SLC2A13: variants seen among roughly 807,000 people sequenced by gnomAD.
The protein encoded by SLC2A13 is solute carrier family 2 member 13.
Under a neutral mutation model 64.4 loss-of-function variants are expected in SLC2A13, and 32 were observed. The ratio of observed to expected loss-of-function variants is 0.50; its 90% confidence interval spans 0.37 to 0.67. The LOEUF is 0.67. SLC2A13 is among the 30% of genes least tolerant of loss of function. SLC2A13 has a pLI of 0.00. For missense variants in SLC2A13, 743 were observed against 829.2 expected, an observed-to-expected ratio of 0.90 and a Z score of 1.28; for synonymous variants, 338 against 327.1, an observed-to-expected ratio of 1.03 and a Z score of -0.36.
intron 3 of SLC2A13, among the ~76,000 whole-genome samples, chr12:40,020,957 C>T (rs558322071): frequency 2.0e-5 from 3 of 149,494 alleles, no homozygotes; most frequent in Non-Finnish European, 3.0e-5. Context: ...GTATTAAATA[C>T]AGAGCAGTAA....
intron 3 of SLC2A13, among the ~76,000 whole-genome samples, chr12:39,992,564 C>T (rs2136168825): frequency 6.6e-6 from 1 of 152,144 alleles, no homozygotes; most frequent in Non-Finnish European, 1.5e-5. Flanking sequence ...CCTTCCTTTT[C>T]ATCCCCTTCC....
chr12:39,869,270 T>C (rs1413018611), intron 5 of SLC2A13, among the ~76,000 whole-genome samples: 1 of 152,176 alleles, frequency 6.6e-6, no homozygotes, highest in East Asian at 1.9e-4. Context: ...GAATGGTACT[T>C]CTTATTCTGA....
chr12:40,086,946 T>C (rs925788107), intron 1 of SLC2A13, among the ~76,000 whole-genome samples: 10 of 152,232 alleles, frequency 6.6e-5, no homozygotes, highest in African/African-American at 2.4e-4. Context: ...TAATTAGGTC[T>C]TGAGACAGGA....
At chr12:39,840,867 TTGAG>T (rs1002556981) in intron 6 of SLC2A13, among the ~76,000 whole-genome samples, 8 of 152,124 alleles carry the variant, frequency 5.3e-5, no homozygotes, top group African/African-American at 1.7e-4. Context: ...TAAATACCTG[TTGAG>T]TAAGTAATGA....
chr12:40,068,782 G>C (rs142377700), intron 1 of SLC2A13, among the ~76,000 whole-genome samples: 1 of 148,698 alleles, frequency 6.7e-6, no homozygotes, highest in Non-Finnish European at 1.5e-5. Context: ...AAAAATCATA[G>C]ACACAGCTGA....
At chr12:40,021,536 TC>T in intron 3 of SLC2A13, among the ~76,000 whole-genome samples, 1 of 152,372 alleles carries the variant, frequency 6.6e-6, no homozygotes, top group Admixed American at 6.5e-5. Flanking sequence ...TTTGTTTTAA[TC>T]TACTGTTTAC....
At chr12:40,023,151 C>G (rs1232040816) in intron 3 of SLC2A13, among the ~76,000 whole-genome samples, 1 of 152,224 alleles carries the variant, frequency 6.6e-6, no homozygotes, top group South Asian at 2.1e-4. Context: ...GGTTCTAACA[C>G]CACCATCTGT....
At chr12:39,809,688 G>A (rs1008391406) in intron 7 of SLC2A13, among the ~76,000 whole-genome samples, 2 of 152,060 alleles carry the variant, frequency 1.3e-5, no homozygotes, top group African/African-American at 4.8e-5. Flanking sequence ...TCTGGTGTGT[G>A]ATGTTCCCCT....
intron 7 of SLC2A13, among the ~76,000 whole-genome samples, chr12:39,797,768 A>G (rs1941631307): frequency 6.6e-6 from 1 of 152,094 alleles, no homozygotes; most frequent in South Asian, 2.1e-4. Context: ...ACACACACAC[A>G]CACACACATA....
At chr12:40,006,579 A>G (rs545786128) in intron 3 of SLC2A13, among the ~76,000 whole-genome samples, 16 of 152,226 alleles carry the variant, frequency 1.1e-4, no homozygotes, top group African/African-American at 3.6e-4. Flanking sequence ...TCTAAGAGTC[A>G]GGTAAAATTT....
At chr12:39,941,624 T>C (rs998619032) in intron 4 of SLC2A13, among the ~76,000 whole-genome samples, 2 of 152,236 alleles carry the variant, frequency 1.3e-5, no homozygotes, top group Non-Finnish European at 2.9e-5. Context: ...GATTGTTTTT[T>C]TCTTACTGAT....
intron 7 of SLC2A13, among the ~76,000 whole-genome samples, chr12:39,817,861 A>G (rs1942382298): frequency 6.6e-6 from 1 of 152,036 alleles, no homozygotes; most frequent in Non-Finnish European, 1.5e-5. Context: ...GAGATCCACA[A>G]ATGAGAATAC....
chr12:39,792,752 TTTGG>T (rs1213409142), intron 7 of SLC2A13, among the ~76,000 whole-genome samples: 1 of 152,030 alleles, frequency 6.6e-6, no homozygotes, highest in Non-Finnish European at 1.5e-5. Flanking sequence ...TTTATTCCTG[TTTGG>T]TTGTAGATTT....
intron 7 of SLC2A13, chr12:39,802,230 AGGG>A (rs1941817509): frequency 6.6e-6 from 1 of 152,108 alleles, no homozygotes; most frequent in Non-Finnish European, 1.5e-5. Context: ...ATTTTTAACA[AGGG>A]GCCCTGTATT....
intron 6 of SLC2A13, among the ~76,000 whole-genome samples, chr12:39,835,203 A>C (rs1441240365): frequency 6.6e-6 from 1 of 152,068 alleles, no homozygotes; most frequent in Non-Finnish European, 1.5e-5. Flanking sequence ...ACCTGGACTA[A>C]GGTCTAAATT....
At chr12:39,932,794 G>A (rs1945850910) in intron 4 of SLC2A13, among the ~76,000 whole-genome samples, 1 of 149,750 alleles carries the variant, frequency 6.7e-6, no homozygotes, top group Non-Finnish European at 1.5e-5. Flanking sequence ...AAGCCTCTAA[G>A]TTGAGAACAA....
At chr12:40,055,833 T>G (rs985169844) in intron 1 of SLC2A13, among the ~76,000 whole-genome samples, 14 of 152,184 alleles carry the variant, frequency 9.2e-5, no homozygotes, top group Middle Eastern at 3.4e-3. Flanking sequence ...TACAGCATTT[T>G]CCTTCTCTTT....
intron 6 of SLC2A13, among the ~76,000 whole-genome samples, chr12:39,863,658 C>A (rs1223009658): frequency 6.6e-6 from 1 of 152,150 alleles, no homozygotes; most frequent in African/African-American, 2.4e-5. Context: ...TATGAAGACA[C>A]CCTTAAGTCT....
chr12:39,855,209 A>G (rs1047633732), intron 6 of SLC2A13, among the ~76,000 whole-genome samples: 3 of 152,226 alleles, frequency 2.0e-5, no homozygotes, highest in Non-Finnish European at 4.4e-5. Flanking sequence ...TACATACATT[A>G]CTATTTAATA....
Sources: allele counts gnomAD v4.1 joint callset (sites outside exome capture counted in the v4.1 genomes callset), GRCh38; gene constraint gnomAD v4.1.1; transcripts MANE v1.5; gene names NCBI Gene and HGNC (gene_info 2026-07-23, HGNC 2026-07-21).